The following PTHLH variants were observed in gnomAD, a reference collection of about 807,000 sequenced individuals.
The protein encoded by PTHLH is parathyroid hormone like hormone.
A neutral mutation model predicts 18.6 loss-of-function variants in PTHLH; 5 were observed. The ratio of observed to expected loss-of-function variants is 0.27; its 90% CI spans 0.14 to 0.56. The LOEUF (loss-of-function observed/expected upper bound fraction) is 0.56. Ranked by LOEUF, PTHLH falls within the 20% of genes least tolerant of loss-of-function variation. The pLI, the probability that PTHLH is intolerant of heterozygous loss-of-function variation, is 0.92. For missense variants in PTHLH, 207 were observed against 223.9 expected, an observed-to-expected ratio of 0.92 and a Z score of 0.48; for synonymous variants, 90 against 94.0, an observed-to-expected ratio of 0.96 and a Z score of 0.25.
At chr12:27,958,779 A>G (rs921720155) in intron 5 of PTHLH, among the ~76,000 whole-genome samples, 6 of 152,220 alleles carry the variant, frequency 3.9e-5, no homozygotes, top group Non-Finnish European at 7.3e-5. Flanking sequence ...CTTCAACCTG[A>G]CTTAGCCCAT....
chr12:27,967,969 T>C (rs1033158816), intron 4 of PTHLH, among the ~76,000 whole-genome samples: 1 of 152,146 alleles, frequency 6.6e-6, no homozygotes, highest in African/African-American at 2.4e-5. Flanking sequence ...AAAAATTGGC[T>C]CTGTTCCAAG....
intron 5 of PTHLH, among the ~76,000 whole-genome samples, chr12:27,958,911 T>G (rs1291379029): frequency 1.3e-5 from 2 of 152,218 alleles, no homozygotes; most frequent in Non-Finnish European, 2.9e-5. Context: ...ATTTAAGAAC[T>G]TGGAAATGAG....
At chr12:27,962,226 A>AC (rs1330364859) in intron 5 of PTHLH, 1 of 377,626 alleles carries the variant, frequency 2.6e-6, no homozygotes, top group East Asian at 4.2e-5. Flanking sequence ...ATAGAAACAT[A>AC]CCCCCCTAGA....
intron 4 of PTHLH, chr12:27,969,138 A>G (rs2062843445): frequency 5.8e-6 from 3 of 521,178 alleles, no homozygotes; most frequent in African/African-American, 1.9e-5. Flanking sequence ...CCTAGAAGAG[A>G]TTCTGTGAAA....
rs1365787211 is a variant in PTHLH at position 27,970,205 on chromosome 12, C to A, written c.-203G>T. The A allele has an allele frequency of 1.6e-5, 8 of 506,142 alleles. No individual in the cohort carries two copies. The highest frequency in any genetic ancestry group is 2.8e-5 in the Non-Finnish European group (7 of 254,110). The allele number at this position is 506,142 out of a possible 1,614,324, so 31.4% of individuals were successfully genotyped here. On this transcript the variant is annotated 5_prime_UTR_variant, in exon 3 of 6. Transcript: ENST00000545234. ...CGGGCGGGGAGACATGCTGGCCGGGCGGCGCAGGTTGGAGGCGAGTTGAAA... is the reference window on the plus strand; with the variant it reads ...CGGGCGGGGAGACATGCTGGCCGGGAGGCGCAGGTTGGAGGCGAGTTGAAA...
In PTHLH at chr12:27,963,058, A is replaced by G. The variant is rs1591847795; in HGVS notation, c.524+290T>C. The stretch of plus-strand genomic sequence containing the variant: ...ATGGTCACTAGCTTCTGAAGCTTGA[A>G]TATGAAATTATTTGGTAGAGTGGTA... On this transcript the variant is annotated intron_variant, in intron 5 of 5. Transcript: ENST00000545234. The G allele has an allele frequency of 2.3e-6, 3 of 1,299,772 alleles. No homozygotes were observed. The East Asian group carries it at 1.0e-4, about 43-fold the overall frequency. The allele number at this position is 1,299,772 out of a possible 1,614,324, so 80.5% of individuals were successfully genotyped here.
chr12:27,963,139 A>AT lies in PTHLH; in HGVS notation c.524+208dup, dbSNP rs2062776192. ...GAGGAATGGGCTCTAGCGCCTCTCT[A>AT]TGGTGCTGGAGGACAGGGGTGTGTG... On this transcript the variant is annotated intron_variant, in intron 5 of 5. Coordinates refer to ENST00000545234, the MANE Select transcript of PTHLH (RefSeq NM_198965.2). 17 of 1,449,384 alleles carry AT rather than the reference A, an allele frequency of 1.2e-5. No individual in the cohort carries two copies. The South Asian group carries it at 2.3e-4, about 20-fold the overall frequency. 89.8% of individuals were successfully genotyped at this position (1,449,384 alleles called of 1,614,324 possible).
At chr12:27,966,135 C>G (rs192483528) in intron 4 of PTHLH, among the ~76,000 whole-genome samples, 2 of 152,192 alleles carry the variant, frequency 1.3e-5, no homozygotes, top group African/African-American at 4.8e-5. Context: ...TCTTGGCCAG[C>G]CTGTCAACTG....
At chr12:27,967,227 T>C (rs2062822404) in intron 4 of PTHLH, among the ~76,000 whole-genome samples, 1 of 152,214 alleles carries the variant, frequency 6.6e-6, no homozygotes, top group Non-Finnish European at 1.5e-5. Flanking sequence ...TAGGCCTCAC[T>C]TTCCAGTATC....
In PTHLH at chr12:27,963,715, C is replaced by G; in HGVS notation, c.157G>C (p.Asp53His). The G allele has an allele frequency of 6.2e-7, 1 of 1,613,366 alleles. No individual in the cohort carries two copies. The highest frequency in any genetic ancestry group is 8.5e-7 in the Non-Finnish European group (1 of 1,179,834). The change falls in exon 5 of 6, where the codon GAT becomes CAT. Residue 53 changes from aspartate to histidine, a missense_variant. Coordinates refer to ENST00000545234, the MANE Select transcript of PTHLH (RefSeq NM_198965.2). ...TGAAGGAAGAATCGTCGCCGTAAAT[C>G]TTGGATGGACTTCCCCTTGTCATGG... ...LLHDKGKSIQ[D>H]LRRRFFLHHL...
chr12:27,961,463 T>A (rs1193033203), intron 5 of PTHLH, among the ~76,000 whole-genome samples: 1 of 145,784 alleles, frequency 6.9e-6, no homozygotes, highest in Non-Finnish European at 1.5e-5. Context: ...TATTGAATGT[T>A]TACTATATAC....
At chr12:27,965,985 C>T (rs1335338608) in intron 4 of PTHLH, among the ~76,000 whole-genome samples, 4 of 152,186 alleles carry the variant, frequency 2.6e-5, no homozygotes, top group Admixed American at 6.5e-5. Context: ...CAGAAGCCCT[C>T]GTCTTCTGTA....
chr12:27,964,403 A>C (rs924139086), intron 4 of PTHLH, among the ~76,000 whole-genome samples: 3 of 152,050 alleles, frequency 2.0e-5, no homozygotes, highest in African/African-American at 7.2e-5. Context: ...AAACCATCTG[A>C]TTCACAGACT....
intron 5 of PTHLH, chr12:27,961,889 T>C: frequency 4.3e-6 from 3 of 702,140 alleles, no homozygotes; most frequent in Non-Finnish European, 7.6e-6. Context: ...TCAAAGGAAA[T>C]GACTAAAGAA....
chr12:27,967,725 C>T (rs995149806), intron 4 of PTHLH, among the ~76,000 whole-genome samples: 6 of 152,210 alleles, frequency 3.9e-5, no homozygotes, highest in African/African-American at 1.4e-4. Flanking sequence ...TAACCATCTG[C>T]TGAGTGTGAG....
chr12:27,971,369 C>A (rs1280516164), intron 2 of PTHLH, among the ~76,000 whole-genome samples: 1 of 152,032 alleles, frequency 6.6e-6, no homozygotes, highest in Non-Finnish European at 1.5e-5. Flanking sequence ...GGAGTGGATA[C>A]CCTCCCCAGG....
chr12:27,962,684 G>T, intron 5 of PTHLH: 2 of 984,388 alleles, frequency 2.0e-6, no homozygotes, highest in Non-Finnish European at 1.2e-6. Context: ...CTATATCCTT[G>T]TAAGTTAATA....
chr12:27,969,372 C>A, intron 4 of PTHLH, 22 bp downstream of exon 4: 6 of 1,555,824 alleles, frequency 3.9e-6, no homozygotes, highest in Non-Finnish European at 5.2e-6. Flanking sequence ...ACCCGGCGCC[C>A]TGGGGAGGAT....
At chr12:27,959,153 GAT>G (rs2062734545) in intron 5 of PTHLH, among the ~76,000 whole-genome samples, 1 of 152,134 alleles carries the variant, frequency 6.6e-6, no homozygotes, top group African/African-American at 2.4e-5. Flanking sequence ...CTTAGTTGAT[GAT>G]ATGATATTTG....
Sources: gnomAD v4.1 joint callset for allele counts (sites outside exome capture counted in the v4.1 genomes callset) on GRCh38, gnomAD v4.1.1 for gene constraint, MANE v1.5 for transcripts, NCBI Gene and HGNC (gene_info 2026-07-23, HGNC 2026-07-21) for gene names.